CLASRP: variants seen among roughly 807,000 people sequenced by gnomAD.
CLASRP encodes the protein CLK4 associating serine/arginine rich protein, also known as CLK4-associating serine/arginine rich protein.
In CLASRP, 52 loss-of-function variants were observed where a neutral mutation model predicts 99.9. That is an observed-to-expected ratio of 0.52 (90% confidence interval 0.42 to 0.66). CLASRP has a LOEUF of 0.66. Among genes scored for constraint, CLASRP ranks in the 30% least tolerant of loss-of-function variants. The pLI is 0.00. For missense variants in CLASRP, 848 were observed against 999.2 expected, an observed-to-expected ratio of 0.85 and a Z score of 2.04; for synonymous variants, 379 against 373.0, an observed-to-expected ratio of 1.02 and a Z score of -0.18.
chr19:45,041,922 A>G (rs1406871210), intron 2 of CLASRP, among the ~76,000 whole-genome samples: 1 of 152,158 alleles, frequency 6.6e-6, no homozygotes, highest in Non-Finnish European at 1.5e-5. Context: ...CTGGTTAACT[A>G]CTGCTTATCT....
chr19:45,051,507 G>A (rs759452311), intron 2 of CLASRP, among the ~76,000 whole-genome samples: 1 of 151,902 alleles, frequency 6.6e-6, no homozygotes, highest in Non-Finnish European at 1.5e-5. Flanking sequence ...TAGAGCCTGG[G>A]TTTCGCCATG....
intron 5 of CLASRP, among the ~76,000 whole-genome samples, chr19:45,054,751 A>G (rs1219240385): frequency 6.6e-6 from 1 of 151,996 alleles, no homozygotes; most frequent in East Asian, 1.9e-4. Flanking sequence ...GTCCCTTACC[A>G]CCTGGCAGGT....
At chr19:45,058,046 T>G in intron 7 of CLASRP, 148 bp downstream of exon 7, 3 of 937,818 alleles carry the variant, frequency 3.2e-6, no homozygotes, top group Non-Finnish European at 3.2e-6. Flanking sequence ...CTGCTGCCCC[T>G]GTCTCACTCC....
At position 45,053,155 on chromosome 19, in the gene CLASRP, G is replaced by A; in HGVS notation, c.357G>A (p.Leu119=). 6.8e-6 allele frequency: 11 copies of A among 1,614,060 alleles called. No homozygotes were observed. Among genetic ancestry groups the A allele is most frequent in the Non-Finnish European group, 8.5e-6 (10 of 1,180,012 alleles). ...GTAACTACGAGCGCTACAGAGGCCT[G>A]GTGCAGAACGACTTTGCCGGCAGTG... ...RKCNYERYRG[L]VQNDFAGISE... Residue 119 remains leucine, a synonymous_variant, in exon 5 of 21, where the codon CTG becomes CTA. Transcript: ENST00000221455.
At chr19:45,065,098 A>T (rs1226184093) in intron 13 of CLASRP, among the ~76,000 whole-genome samples, 1 of 152,038 alleles carries the variant, frequency 6.6e-6, no homozygotes, top group East Asian at 1.9e-4. Flanking sequence ...GGAAAAAATC[A>T]AGACAGCTCT....
At position 45,067,427 on chromosome 19, in the gene CLASRP, C is replaced by T. The variant is rs1435211654; in HGVS notation, c.1500C>T (p.Leu500=). The change falls in exon 14 of 21, where the codon CTC becomes CTT. Residue 500 remains leucine, a synonymous_variant. Coordinates refer to ENST00000221455, the MANE Select transcript of CLASRP (RefSeq NM_007056.3). This position sits in a 1 kb window ranked among gnomAD's most constrained non-coding sequence, Gnocchi z 4.9. The part of the protein sequence containing the change: ...SSSRSRSSWS[L]SPSRSRSLTR... Reference sequence around the variant, plus strand: ...GCCGCAGCCGCAGCAGCTGGTCCCTCAGCCCGTCCCGCAGTCGCAGCCTGA... The same window carrying T: ...GCCGCAGCCGCAGCAGCTGGTCCCTTAGCCCGTCCCGCAGTCGCAGCCTGA... 1.3e-6 allele frequency: 2 copies of T among 1,535,520 alleles called. No individual in the cohort carries two copies. Among genetic ancestry groups the T allele is most frequent in the Admixed American group, 2.0e-5 (1 of 51,008 alleles).
At chr19:45,068,379 G>A (rs1370471781) in intron 15 of CLASRP, 41 bp from the exon 16 acceptor site, 1 of 1,091,848 alleles carries the variant, frequency 9.2e-7, no homozygotes, top group African/African-American at 1.5e-5. Flanking sequence ...GGAGCTCTGG[G>A]ACACCCACCC....
chr19:45,061,365 G>A (rs1966934907), intron 10 of CLASRP, among the ~76,000 whole-genome samples: 2 of 152,074 alleles, frequency 1.3e-5, no homozygotes, highest in Non-Finnish European at 2.9e-5. Flanking sequence ...GTGGCCATAG[G>A]GCCTGGGTTT....
Position 45,061,221 on chromosome 19 carries a change from C to T in CLASRP, c.863+594C>T, listed in dbSNP as rs535932526. 2.6e-5 allele frequency among the ~76,000 whole-genome samples: 4 copies of T among 152,186 alleles called. No homozygotes were observed. In the South Asian group the frequency reaches 6.2e-4, roughly 24 times the overall value. On this transcript the variant is annotated intron_variant, in intron 10 of 20. Coordinates refer to ENST00000221455, the MANE Select transcript of CLASRP (RefSeq NM_007056.3). ...TCTTAAAGGAGAGTGACTGAGAGTT[C>T]CTGTAAGGCTTAAACAACTTGTAGG...
Position 45,068,412 on chromosome 19 carries a change from CT to C in CLASRP, c.1708-7del. On this transcript the variant is annotated splice_region_variant and splice_polypyrimidine_tract_variant and intron_variant, in intron 15 of 20. Coordinates refer to ENST00000221455, the MANE Select transcript of CLASRP (RefSeq NM_007056.3). Reference sequence around the variant, plus strand: ...CCCCCTCTCCCGCCTCTTCTCCCCCCTCCCCAGCCCAAGCTGACGCCTCAGG... The same window carrying C: ...CCCCCTCTCCCGCCTCTTCTCCCCCCCCCCAGCCCAAGCTGACGCCTCAGG... 1 of 1,597,948 alleles carries C rather than the reference CT, an allele frequency of 6.3e-7. No individual in the cohort carries two copies. The highest frequency in any genetic ancestry group is 8.6e-7 in the Non-Finnish European group (1 of 1,165,266).
intron 13 of CLASRP, among the ~76,000 whole-genome samples, chr19:45,066,912 G>C (rs974641674): frequency 6.6e-6 from 1 of 152,118 alleles, no homozygotes; most frequent in Non-Finnish European, 1.5e-5. Context: ...CCCCACTATT[G>C]TCGAGACCCT....
intron 16 of CLASRP, among the ~76,000 whole-genome samples, chr19:45,068,820 G>A (rs563430007): frequency 3.9e-5 from 6 of 152,092 alleles, no homozygotes; most frequent in South Asian, 2.1e-4. Flanking sequence ...GTGAAACCCC[G>A]TCTCTCTAAA....
chr19:45,041,152 G>C (rs1971804840), intron 2 of CLASRP, among the ~76,000 whole-genome samples: 1 of 151,566 alleles, frequency 6.6e-6, no homozygotes, highest in Admixed American at 6.6e-5. Context: ...ACCGGGGAGG[G>C]GGGCAGAGCG....
intron 15 of CLASRP, 93 bp downstream of exon 15, chr19:45,068,147 G>A: frequency 8.4e-7 from 1 of 1,189,512 alleles, no homozygotes; most frequent in Non-Finnish European, 1.2e-6. Context: ...GCCCGGGTGG[G>A]CTGGGAGATC....
chr19:45,052,008 G>A, intron 2 of CLASRP, 63 bp from the exon 3 acceptor site: 1 of 1,285,702 alleles, frequency 7.8e-7, no homozygotes, highest in East Asian at 2.3e-5. Flanking sequence ...GCTCGGTTGT[G>A]TGTGAGGGGG....
chr19:45,058,132 C>T (rs571085479), intron 7 of CLASRP: 3 of 561,868 alleles, frequency 5.3e-6, no homozygotes, highest in Admixed American at 3.1e-5. Flanking sequence ...GATCTTTTCC[C>T]CTCCTAGGTG....
intron 2 of CLASRP, among the ~76,000 whole-genome samples, chr19:45,048,322 G>A (rs2122543829): frequency 6.6e-6 from 1 of 150,700 alleles, no homozygotes; most frequent in South Asian, 2.1e-4. Flanking sequence ...GGATCACGAG[G>A]TCAGGAGTTC....
At chr19:45,053,372 G>A (rs1419539268) in intron 5 of CLASRP, among the ~76,000 whole-genome samples, 195 bp downstream of exon 5, 1 of 152,156 alleles carries the variant, frequency 6.6e-6, no homozygotes, top group African/African-American at 2.4e-5. Flanking sequence ...GATGTCTGCC[G>A]AATGGGTTGT....
intron 15 of CLASRP, 109 bp from the exon 16 acceptor site, chr19:45,068,311 T>TGCCCCCC: frequency 2.6e-5 from 14 of 543,568 alleles, no homozygotes; most frequent in East Asian, 6.5e-5. Context: ...CACGTCGTTC[T>TGCCCCCC]CCCCCCCCCA....
Sources: gnomAD v4.1 joint callset for allele counts (sites outside exome capture counted in the v4.1 genomes callset) on GRCh38, gnomAD v4.1.1 for gene constraint, Gnocchi (gnomAD v3.1) non-coding constraint, MANE v1.5 for transcripts, NCBI Gene and HGNC (gene_info 2026-07-23, HGNC 2026-07-21) for gene names.